KLHL29: variants seen among roughly 807,000 people sequenced by gnomAD.
KLHL29 encodes kelch-like protein 29.
A neutral mutation model predicts 80.4 loss-of-function variants in KLHL29; 21 were observed. That is an observed-to-expected ratio of 0.26 (90% CI 0.19 to 0.38). The LOEUF is 0.38. Among genes scored for constraint, KLHL29 ranks in the 10% least tolerant of loss-of-function variants. The probability of loss-of-function intolerance (pLI) is 1.00; values close to 1 mark genes in which losing one functional copy is unlikely to be tolerated. For missense variants in KLHL29, 867 were observed against 1,223.9 expected (o/e 0.71, Z 4.35); for synonymous variants, 511 against 526.8 (o/e 0.97, Z 0.41).
intron 2 of KLHL29, among the ~76,000 whole-genome samples, chr2:23,557,799 A>C (rs922721194): frequency 5.9e-5 from 9 of 152,028 alleles, no homozygotes; most frequent in African/African-American, 2.2e-4. Context: ...TTCTTTGGCG[A>C]TATGTGAGGT....
At chr2:23,489,818 G>T (rs902541592) in intron 2 of KLHL29, among the ~76,000 whole-genome samples, 2 of 152,122 alleles carry the variant, frequency 1.3e-5, no homozygotes, top group Non-Finnish European at 2.9e-5. Context: ...GGTGGGGTGG[G>T]CGGTACCCAC....
Position 23,684,120 on chromosome 2 carries a change from C to G in KLHL29, c.941-279C>G, listed in dbSNP as rs1030677059. ...GTCAGTATGGGAATCTCTCCCCCAA[C>G]CTTTCAATTTCTGGGTTTGATTTTT... On this transcript the variant is annotated intron_variant, in intron 5 of 13. Transcript: ENST00000486442. The surrounding 1 kb of genome is among the most constrained non-coding windows in gnomAD (Gnocchi z 4.4). 6.6e-6 allele frequency among the ~76,000 whole-genome samples: 1 copy of G among 152,132 alleles called. No homozygotes were observed. The highest frequency in any genetic ancestry group is 2.4e-5 in the African/African-American group (1 of 41,416).
At chr2:23,572,679 A>G (rs1319968237) in intron 3 of KLHL29, among the ~76,000 whole-genome samples, 5 of 151,594 alleles carry the variant, frequency 3.3e-5, no homozygotes, top group Non-Finnish European at 5.9e-5. Context: ...ATAGTGGAGC[A>G]GCCTCCAAAA....
chr2:23,665,001 C>A (rs948887736), intron 5 of KLHL29, among the ~76,000 whole-genome samples: 6 of 152,240 alleles, frequency 3.9e-5, no homozygotes, highest in African/African-American at 1.4e-4. Context: ...TAAAAGTGCA[C>A]AGAGATAGTG....
chr2:23,576,142 T>G (rs1016349472), intron 3 of KLHL29, among the ~76,000 whole-genome samples: 1 of 151,978 alleles, frequency 6.6e-6, no homozygotes, highest in African/African-American at 2.4e-5. Context: ...CCGTCTCTAG[T>G]AAAAATGTGA....
intron 1 of KLHL29, among the ~76,000 whole-genome samples, chr2:23,436,239 A>G (rs1663336870): frequency 6.6e-6 from 1 of 151,770 alleles, no homozygotes; most frequent in African/African-American, 2.4e-5. Context: ...GATACTCAGT[A>G]AACATCCATG....
At chr2:23,436,660 A>C (rs775391367) in intron 1 of KLHL29, among the ~76,000 whole-genome samples, 16 of 152,338 alleles carry the variant, frequency 1.1e-4, no homozygotes, top group South Asian at 4.1e-4. Context: ...TGAGGGTCTC[A>C]GGTCAAGTTA....
At chr2:23,570,218 T>C (rs1322451665) in intron 3 of KLHL29, among the ~76,000 whole-genome samples, 1 of 152,198 alleles carries the variant, frequency 6.6e-6, no homozygotes, top group Non-Finnish European at 1.5e-5. Context: ...CACATGCCTT[T>C]CCTATTGATG....
chr2:23,658,821 T>A (rs1670319825), intron 5 of KLHL29, among the ~76,000 whole-genome samples: 3 of 152,206 alleles, frequency 2.0e-5, no homozygotes, highest in African/African-American at 7.2e-5. Context: ...CCGCTCAAAT[T>A]GCTGGGCCGG....
Position 23,562,591 on chromosome 2 carries a change from C to G in KLHL29, c.285+110C>G, listed in dbSNP as rs557209159. ...GTGGGGCAGCCTGTGCTCCACGCCC[C>G]GAGTCCTCCAGAGTCTTGTCCTTCC... On this transcript the variant is annotated intron_variant, in intron 3 of 13. Coordinates refer to ENST00000486442, the MANE Select transcript of KLHL29 (RefSeq NM_052920.2). This position sits in a 1 kb window ranked among gnomAD's most constrained non-coding sequence, Gnocchi z 4.5. The G allele has an allele frequency of 7.2e-6, 8 of 1,109,432 alleles. No individual in the cohort carries two copies. The highest frequency in any genetic ancestry group is 2.6e-5 in the East Asian group (1 of 38,086). 68.7% of individuals were successfully genotyped at this position (1,109,432 alleles called of 1,614,324 possible).
chr2:23,487,994 A>G (rs2103446315), intron 2 of KLHL29, among the ~76,000 whole-genome samples: 1 of 152,242 alleles, frequency 6.6e-6, no homozygotes, highest in South Asian at 2.1e-4. Flanking sequence ...CTAGCCTTTT[A>G]ACCTCCTACG....
intron 2 of KLHL29, chr2:23,524,382 TGCCCCGGGCTCCCGGGAGG>T: frequency 6.0e-6 from 1 of 167,270 alleles, no homozygotes; most frequent in Non-Finnish European, 1.3e-5. Context: ...CTTTAGGTCC[TGCCCCGGGCTCCCGGGAGG>T]CGTCGGCAGG....
intron 2 of KLHL29, among the ~76,000 whole-genome samples, chr2:23,518,459 C>T (rs574176444): frequency 9.2e-5 from 14 of 152,156 alleles, no homozygotes; most frequent in Non-Finnish European, 1.8e-4. Flanking sequence ...GAGATGCTCA[C>T]GGATCTCAGG....
intron 1 of KLHL29, among the ~76,000 whole-genome samples, chr2:23,447,757 C>T (rs934296205): frequency 6.6e-6 from 1 of 152,146 alleles, no homozygotes. Flanking sequence ...AAAACCCAGC[C>T]TAAACTGACA....
intron 2 of KLHL29, among the ~76,000 whole-genome samples, chr2:23,521,383 C>T (rs982272919): frequency 3.3e-5 from 5 of 152,240 alleles, no homozygotes; most frequent in Non-Finnish European, 5.9e-5. Context: ...TCCACTCAGC[C>T]ATGTCAGAAA....
At chr2:23,444,386 A>C (rs1158988307) in intron 1 of KLHL29, among the ~76,000 whole-genome samples, 1 of 152,076 alleles carries the variant, frequency 6.6e-6, no homozygotes, top group African/African-American at 2.4e-5. Flanking sequence ...GTGCAATGGC[A>C]AAATCTTGGC....
At chr2:23,672,481 G>A (rs1248028072) in intron 5 of KLHL29, 1 of 152,462 alleles carries the variant, frequency 6.6e-6, no homozygotes, top group Non-Finnish European at 1.5e-5. Flanking sequence ...TATGTGTCTG[G>A]TTCTCCACTG....
chr2:23,397,476 T>A (rs2723107), intron 1 of KLHL29, among the ~76,000 whole-genome samples: 10,127 of 152,324 alleles, frequency 0.066, 631 homozygotes, highest in African/African-American at 0.17. Flanking sequence ...CAGCTGTAAC[T>A]GTCTGCTGTT....
chr2:23,554,353 T>C lies in KLHL29; in HGVS notation c.-45-7799T>C, dbSNP rs191763745. On this transcript the variant is annotated intron_variant, in intron 2 of 13. Transcript: ENST00000486442. ...ACGTCTCCCCCAAATGAGGCAATCA[T>C]ACATTTTCTGATCGGGGCCGGCCGG... Among the ~76,000 whole-genome samples the C allele has an allele frequency of 3.3e-4, 50 of 152,322 alleles. 1 individual carries two copies. Among genetic ancestry groups the C allele is most frequent in the African/African-American group, 1.1e-3 (47 of 41,576 alleles).
Sources: gnomAD v4.1 joint callset for allele counts (sites outside exome capture counted in the v4.1 genomes callset) on GRCh38, gnomAD v4.1.1 for gene constraint, Gnocchi (gnomAD v3.1) non-coding constraint, MANE v1.5 for transcripts, NCBI Gene and HGNC (gene_info 2026-07-23, HGNC 2026-07-21) for gene names.